Variants in DCC observed in about 807,000 individuals in gnomAD.
DCC encodes DCC netrin 1 receptor.
Under a neutral mutation model 172.5 loss-of-function variants are expected in DCC, and 58 were observed. The ratio of observed to expected loss-of-function variants is 0.34; its 90% CI spans 0.27 to 0.42. The LOEUF is 0.42. Among genes scored for constraint, DCC ranks in the 10% least tolerant of loss-of-function variants. The pLI is 1.00. For synonymous variants in DCC, 709 were observed against 644.5 expected (o/e 1.10, Z -1.52); for missense variants, 1,740 against 1,791.0 (o/e 0.97, Z 0.51).
At chr18:52,363,514 TCTTCTTTGACTCAGAAGGC>T (rs1220125099) in intron 1 of DCC, among the ~76,000 whole-genome samples, 1 of 152,208 alleles carries the variant, frequency 6.6e-6, no homozygotes, top group Non-Finnish European at 1.5e-5. Context: ...TCTGGCCATA[TCTTCTTTGACTCAGAAGGC>T]TTTATCACTG....
intron 1 of DCC, among the ~76,000 whole-genome samples, chr18:52,458,220 G>A (rs566810961): frequency 7.2e-5 from 11 of 152,174 alleles, no homozygotes; most frequent in African/African-American, 2.2e-4. Context: ...CCAGTCACAC[G>A]GCTGCAGGGG....
intron 7 of DCC, among the ~76,000 whole-genome samples, chr18:53,139,030 CT>C (rs1156857872): frequency 6.6e-6 from 1 of 152,124 alleles, no homozygotes; most frequent in African/African-American, 2.4e-5. Flanking sequence ...CTTTTCTGCC[CT>C]TGTATTTGTG....
intron 7 of DCC, among the ~76,000 whole-genome samples, chr18:53,080,881 G>A (rs1439695292): frequency 1.3e-5 from 2 of 152,002 alleles, no homozygotes; most frequent in African/African-American, 4.8e-5. Context: ...TGCATCTTTA[G>A]TTCCTTGATA....
intron 12 of DCC, among the ~76,000 whole-genome samples, chr18:53,220,087 A>G (rs2055908912): frequency 6.6e-6 from 1 of 152,094 alleles, no homozygotes; most frequent in Non-Finnish European, 1.5e-5. Context: ...AGTCATTTGC[A>G]TATGACTCCT....
chr18:52,860,077 C>T (rs1219111039), intron 2 of DCC, among the ~76,000 whole-genome samples: 2 of 152,326 alleles, frequency 1.3e-5, no homozygotes, highest in East Asian at 3.9e-4. Context: ...ATATAGGATG[C>T]AGCAAATCCA....
chr18:53,514,671 C>T (rs2046310784), intron 27 of DCC, among the ~76,000 whole-genome samples: 1 of 152,142 alleles, frequency 6.6e-6, no homozygotes, highest in Non-Finnish European at 1.5e-5. Flanking sequence ...CTACAAACAC[C>T]TCTACACAAA....
intron 15 of DCC, among the ~76,000 whole-genome samples, chr18:53,362,967 G>A (rs963940478): frequency 6.6e-6 from 1 of 152,070 alleles, no homozygotes; most frequent in Non-Finnish European, 1.5e-5. Flanking sequence ...TATTGTCTAT[G>A]CTCTGTCTCC....
intron 2 of DCC, among the ~76,000 whole-genome samples, chr18:52,753,300 G>C (rs2037028515): frequency 1.3e-5 from 2 of 152,166 alleles, no homozygotes; most frequent in East Asian, 3.8e-4. Flanking sequence ...ATTCTGTCAT[G>C]GATTTGACTG....
chr18:53,385,544 C>T (rs1908100260), intron 15 of DCC, among the ~76,000 whole-genome samples: 1 of 152,108 alleles, frequency 6.6e-6, no homozygotes, highest in South Asian at 2.1e-4. Flanking sequence ...CCAGTTTGGG[C>T]CCAGTGCTAG....
chr18:52,919,454 C>A (rs1416940039), intron 3 of DCC, among the ~76,000 whole-genome samples: 1 of 152,108 alleles, frequency 6.6e-6, no homozygotes, highest in Non-Finnish European at 1.5e-5. Flanking sequence ...AAATACCAAA[C>A]TTATTGGGGA....
At chr18:52,876,241 C>A (rs1012448960) in intron 2 of DCC, among the ~76,000 whole-genome samples, 1 of 152,082 alleles carries the variant, frequency 6.6e-6, no homozygotes, top group African/African-American at 2.4e-5. Context: ...TACATCAGAG[C>A]CTAGAGAATC....
At chr18:53,292,321 T>A (rs1455615498) in intron 12 of DCC, among the ~76,000 whole-genome samples, 2 of 152,154 alleles carry the variant, frequency 1.3e-5, no homozygotes, top group Non-Finnish European at 2.9e-5. Flanking sequence ...CGAATAGAGC[T>A]GTGGTAATCA....
At chr18:53,256,303 A>G (rs2056512834) in intron 12 of DCC, among the ~76,000 whole-genome samples, 1 of 152,216 alleles carries the variant, frequency 6.6e-6, no homozygotes, top group African/African-American at 2.4e-5. Context: ...CTATGCCCCG[A>G]ATGGCATTGC....
chr18:52,383,292 C>A (rs774485023), intron 1 of DCC, among the ~76,000 whole-genome samples: 1 of 152,020 alleles, frequency 6.6e-6, no homozygotes, highest in Non-Finnish European at 1.5e-5. Context: ...GCAAGAGAGG[C>A]GGTATTACAA....
intron 1 of DCC, among the ~76,000 whole-genome samples, chr18:52,619,713 T>C (rs942682518): frequency 2.1e-5 from 3 of 140,516 alleles, no homozygotes; most frequent in Admixed American, 7.0e-5. Context: ...TTTTCTGTCA[T>C]ATTCAGAGTT....
chr18:52,821,988 C>T (rs2038415239), intron 2 of DCC, among the ~76,000 whole-genome samples: 1 of 152,162 alleles, frequency 6.6e-6, no homozygotes, highest in African/African-American at 2.4e-5. Context: ...TACCTTTAGT[C>T]TGTCCAGAGC....
At chr18:53,060,278 C>G (rs530341686) in intron 5 of DCC, among the ~76,000 whole-genome samples, 2 of 152,188 alleles carry the variant, frequency 1.3e-5, no homozygotes, top group African/African-American at 4.8e-5. Flanking sequence ...TAGGGATCTG[C>G]CCACCTCTGC....
At chr18:52,666,586 A>G (rs977549962) in intron 1 of DCC, among the ~76,000 whole-genome samples, 5 of 152,208 alleles carry the variant, frequency 3.3e-5, no homozygotes, top group Non-Finnish European at 7.4e-5. Flanking sequence ...AATCAAATAA[A>G]TGGTACCATT....
At chr18:52,662,866 C>G (rs1476590617) in intron 1 of DCC, among the ~76,000 whole-genome samples, 2 of 152,094 alleles carry the variant, frequency 1.3e-5, no homozygotes, top group Non-Finnish European at 2.9e-5. Flanking sequence ...CTTGTGTCCT[C>G]ATGTGGTGGA....
Sources: gnomAD v4.1 joint callset for allele counts (sites outside exome capture counted in the v4.1 genomes callset) on GRCh38, gnomAD v4.1.1 for gene constraint, MANE v1.5 for transcripts, NCBI Gene and HGNC (gene_info 2026-07-23, HGNC 2026-07-21) for gene names.